IAH1: variants seen among roughly 807,000 people sequenced by gnomAD.
IAH1 encodes isoamyl acetate hydrolyzing esterase 1 (putative), also known as isoamyl acetate-hydrolyzing esterase 1 homolog.
A neutral mutation model predicts 26.7 loss-of-function variants in IAH1; 24 were observed. The observed-to-expected ratio is 0.90, with a 90% confidence interval of 0.65 to 1.26. The LOEUF (loss-of-function observed/expected upper bound fraction) is 1.26. Ranked by LOEUF, IAH1 falls within the 50% of genes most tolerant of loss-of-function variation. IAH1 has a pLI of 0.00. For synonymous variants in IAH1, 140 were observed against 118.5 expected (o/e 1.18, Z -1.18); for missense variants, 300 against 299.9 (o/e 1.00, Z 0.00).
chr2:9,479,714 G>A (rs1431154519), intron 3 of IAH1, among the ~76,000 whole-genome samples: 2 of 151,336 alleles, frequency 1.3e-5, no homozygotes, highest in Non-Finnish European at 2.9e-5. Context: ...TGCGCCAAGG[G>A]ACGGCCCACG....
chr2:9,492,534 A>G (rs1662242217), downstream of IAH1, among the ~76,000 whole-genome samples: 1 of 152,216 alleles, frequency 6.6e-6, no homozygotes, highest in Admixed American at 6.5e-5. Flanking sequence ...AACATCTGAA[A>G]TGCCGATGTT....
At chr2:9,507,902 G>A in the IAH1 span, among the ~76,000 whole-genome samples, 1 of 152,084 alleles carries the variant, frequency 6.6e-6, no homozygotes, top group South Asian at 2.1e-4. Flanking sequence ...CTGTAGAGAT[G>A]GAGTTTCACA....
In IAH1 at chr2:9,474,656, GC is replaced by G; in HGVS notation, c.81+13del. The stretch of plus-strand genomic sequence containing the variant: ...GGGACTCCATCACCCAGGTACGGCC[GC>G]CCCGACGCTCGGCCTCCCGCCCCGG... On this transcript the variant is annotated intron_variant, in intron 1 of 5. Transcript: ENST00000497473. The surrounding 1 kb of genome is among the most constrained non-coding windows in gnomAD (Gnocchi z 4.3). The G allele has an allele frequency of 1.3e-6, 2 of 1,537,408 alleles. No individual in the cohort carries two copies. Among genetic ancestry groups the G allele is most frequent in the Admixed American group, 2.0e-5 (1 of 51,174 alleles).
the IAH1 span, among the ~76,000 whole-genome samples, chr2:9,505,769 T>G: frequency 6.6e-6 from 1 of 152,154 alleles, no homozygotes; most frequent in Non-Finnish European, 1.5e-5. Context: ...AGAACCTCTG[T>G]AGGTTAATGT....
the IAH1 span, among the ~76,000 whole-genome samples, chr2:9,507,678 A>G: frequency 3.9e-5 from 6 of 152,110 alleles, no homozygotes; most frequent in Non-Finnish European, 8.8e-5. Flanking sequence ...CCAGAAAAAA[A>G]AAGTTCTTCC....
chr2:9,491,476 CA>C (rs1007301956), downstream of IAH1, among the ~76,000 whole-genome samples: 1 of 152,224 alleles, frequency 6.6e-6, no homozygotes, highest in Non-Finnish European at 1.5e-5. Context: ...CATGAAATGA[CA>C]AATGTCCCAG....
At chr2:9,495,521 T>C (rs1029214678) in intron 6 of IAH1, among the ~76,000 whole-genome samples, 7 of 152,166 alleles carry the variant, frequency 4.6e-5, no homozygotes, top group Non-Finnish European at 1.0e-4. Context: ...GAGAACAGCC[T>C]GGCCAACATG....
chr2:9,477,231 C>T (rs7584220), intron 2 of IAH1, among the ~76,000 whole-genome samples: 8,652 of 152,150 alleles, frequency 0.057, 852 homozygotes, highest in African/African-American at 0.19. Context: ...GCTTTGGAGC[C>T]GCTGCCTGAC....
chr2:9,497,316 T>TA (rs903871198), downstream of IAH1: 27 of 1,584,640 alleles, frequency 1.7e-5, no homozygotes, highest in African/African-American at 3.4e-4. Flanking sequence ...AGGTGCATAA[T>TA]ACGCTGTTTC....
intron 2 of IAH1, among the ~76,000 whole-genome samples, chr2:9,476,932 G>T (rs1439804360): frequency 6.6e-6 from 1 of 152,160 alleles, no homozygotes; most frequent in Non-Finnish European, 1.5e-5. Context: ...ACACAGGCTT[G>T]AGTGCAGCAG....
chr2:9,486,922 C>G (rs1283283454), intron 5 of IAH1: 1 of 151,898 alleles, frequency 6.6e-6, no homozygotes, highest in African/African-American at 2.4e-5. Flanking sequence ...AAAGAAATGG[C>G]TGTATGGGTA....
At chr2:9,508,407 T>C in the IAH1 span, among the ~76,000 whole-genome samples, 5 of 152,224 alleles carry the variant, frequency 3.3e-5, no homozygotes, top group African/African-American at 7.2e-5. Flanking sequence ...TTTTTGTTTG[T>C]TGGCTTATTA....
At chr2:9,499,113 C>CT (rs59259119), downstream of IAH1, among the ~76,000 whole-genome samples, 9,593 of 47,398 alleles carry the variant, frequency 0.2, 917 homozygotes, top group Middle Eastern at 0.31. Context: ...CTTTCTTCTT[C>CT]TTTTTTTTTT....
chr2:9,508,425 T>C, the IAH1 span, among the ~76,000 whole-genome samples: 2 of 152,196 alleles, frequency 1.3e-5, no homozygotes, highest in African/African-American at 4.8e-5. Flanking sequence ...TTAACAACTT[T>C]ATTAAGACAT....
chr2:9,495,503 A>G (rs549154346), intron 6 of IAH1, among the ~76,000 whole-genome samples: 10 of 152,188 alleles, frequency 6.6e-5, no homozygotes, highest in Non-Finnish European at 1.2e-4. Context: ...ACTTGAGGCC[A>G]GGAGTTCGAG....
downstream of IAH1, chr2:9,493,729 T>G (rs768042607): frequency 5.6e-6 from 9 of 1,607,202 alleles, no homozygotes; most frequent in South Asian, 4.4e-5. Flanking sequence ...CAGTAAGTAA[T>G]CTGGGGAAAT....
chr2:9,488,185 T>C lies in IAH1; in HGVS notation c.603T>C (p.Ser201=). 6.2e-7 allele frequency: 1 copy of C among 1,612,942 alleles called. No homozygotes were observed. The highest frequency in any genetic ancestry group is 8.5e-7 in the Non-Finnish European group (1 of 1,179,602). The change falls in exon 6 of 6, where the codon TCT becomes TCC. Residue 201 remains serine (S), a synonymous_variant. Coordinates refer to ENST00000497473, the MANE Select transcript of IAH1 (RefSeq NM_001039613.3). ...SSYLSDGLHL[S]PKGNEFLFSH... ...ATTTATCAGATGGACTACATTTGTC[T>C]CCAAAGGGGAATGAATTTTTGTTCT...
chr2:9,481,497 G>C, intron 4 of IAH1, 50 bp downstream of exon 4: 1 of 1,581,540 alleles, frequency 6.3e-7, no homozygotes, highest in East Asian at 2.2e-5. Flanking sequence ...AATGCTGAGG[G>C]AGGAACTCTG....
intron 2 of IAH1, among the ~76,000 whole-genome samples, 183 bp downstream of exon 2, chr2:9,476,222 A>C (rs1461903195): frequency 6.6e-6 from 1 of 152,214 alleles, no homozygotes; most frequent in Non-Finnish European, 1.5e-5. Flanking sequence ...GACCAATTAG[A>C]TATTTTAGGG....
Sources: gnomAD v4.1 joint callset for allele counts (sites outside exome capture counted in the v4.1 genomes callset) on GRCh38, gnomAD v4.1.1 for gene constraint, Gnocchi (gnomAD v3.1) non-coding constraint, MANE v1.5 for transcripts, NCBI Gene and HGNC (gene_info 2026-07-23, HGNC 2026-07-21) for gene names.